The following TNPO3 variants were observed in gnomAD, a reference collection of about 807,000 sequenced individuals.
The protein encoded by TNPO3 is transportin-3.
TNPO3 carries 65 observed loss-of-function variants against 122.8 expected under a neutral mutation model. That is an observed-to-expected ratio of 0.53 (90% CI 0.43 to 0.65). The LOEUF (loss-of-function observed/expected upper bound fraction) is 0.65. Among genes scored for constraint, TNPO3 ranks in the 30% least tolerant of loss-of-function variants. The probability of loss-of-function intolerance (pLI) is 0.00; values close to 1 mark genes in which losing one functional copy is unlikely to be tolerated. For synonymous variants in TNPO3, 372 were observed against 411.2 expected (o/e 0.90, Z 1.15); for missense variants, 850 against 1,136.7 (o/e 0.75, Z 3.63).
intron 16 of TNPO3, among the ~76,000 whole-genome samples, chr7:128,978,469 A>AC (rs1799301129): frequency 6.6e-6 from 1 of 152,202 alleles, no homozygotes; most frequent in Non-Finnish European, 1.5e-5. Context: ...GCTTCACAGA[A>AC]TTTCACAATG....
intron 4 of TNPO3, among the ~76,000 whole-genome samples, chr7:129,014,669 A>T (rs2150424048): frequency 6.6e-6 from 1 of 152,354 alleles, no homozygotes; most frequent in South Asian, 2.1e-4. Context: ...AGTTTGGAGC[A>T]TTAAGCAGTA....
intron 16 of TNPO3, among the ~76,000 whole-genome samples, chr7:128,977,096 T>C (rs1799139308): frequency 6.6e-6 from 1 of 152,016 alleles, no homozygotes; most frequent in Non-Finnish European, 1.5e-5. Context: ...CAAAAATAGG[T>C]GGCAAGGCCA....
intron 4 of TNPO3, among the ~76,000 whole-genome samples, chr7:129,011,351 T>A (rs977240422): frequency 1.3e-5 from 2 of 152,182 alleles, no homozygotes; most frequent in Non-Finnish European, 1.5e-5. Flanking sequence ...TTTTTGTTTT[T>A]TCTTTTTGTT....
intron 4 of TNPO3, among the ~76,000 whole-genome samples, chr7:129,006,703 T>C (rs1170308380): frequency 6.6e-6 from 1 of 152,226 alleles, no homozygotes; most frequent in Non-Finnish European, 1.5e-5. Flanking sequence ...ACAATGCAGA[T>C]ATAAACTACA....
chr7:128,957,100 T>C (rs1796973814), intron 22 of TNPO3, 124 bp downstream of exon 22: 1 of 822,792 alleles, frequency 1.2e-6, no homozygotes, highest in Non-Finnish European at 2.0e-6. Flanking sequence ...GTTAAACTGC[T>C]GAGTCCTTCC....
Position 128,990,008 on chromosome 7 carries a change from A to G in TNPO3, c.1451T>C (p.Leu484Ser), listed in dbSNP as rs1800581430. 1.2e-6 allele frequency: 2 copies of G among 1,614,110 alleles called. No homozygotes were observed. The highest frequency in any genetic ancestry group is 1.3e-5 in the African/African-American group (1 of 74,942). The stretch of plus-strand genomic sequence containing the variant: ...AACGACTTCACTCATCTCTCCAACC[A>G]ATTCAATGCTGGTGTATCGCACAGC... ...HTAVRYTSIE[L>S]VGEMSEVVDR... The change falls in exon 11 of 23, where the codon TTG (leucine) becomes TCG (serine). Residue 484 changes from leucine to serine, a missense_variant. Physicochemically the swap from Leu to Ser is moderately radical, Grantham distance 145. Transcript: ENST00000265388.
intron 1 of TNPO3, among the ~76,000 whole-genome samples, chr7:129,022,483 G>T (rs1391993732): frequency 2.0e-4 from 30 of 151,272 alleles, no homozygotes; most frequent in Admixed American, 2.0e-3. Context: ...AAAAGAAAAG[G>T]TTTCTGAAAT....
chr7:129,027,594 A>AAAAC (rs1805396560), intron 1 of TNPO3, among the ~76,000 whole-genome samples: 1 of 93,542 alleles, frequency 1.1e-5, no homozygotes, highest in Non-Finnish European at 2.4e-5. Flanking sequence ...AAAAAAAACA[A>AAAAC]CACAAAAAAT....
At chr7:129,033,292 A>G (rs985969273) in intron 1 of TNPO3, among the ~76,000 whole-genome samples, 1 of 152,220 alleles carries the variant, frequency 6.6e-6, no homozygotes, top group Non-Finnish European at 1.5e-5. Context: ...ATAAATATTT[A>G]TCCAAAGAAG....
chr7:128,975,026 C>T, intron 17 of TNPO3, 64 bp from the exon 18 acceptor site: 2 of 1,273,494 alleles, frequency 1.6e-6, no homozygotes, highest in South Asian at 2.4e-5. Flanking sequence ...TTCAGACTTG[C>T]CAAATATTTA....
At chr7:128,975,412 C>T (rs892200898) in intron 17 of TNPO3, among the ~76,000 whole-genome samples, 3 of 152,202 alleles carry the variant, frequency 2.0e-5, no homozygotes, top group Non-Finnish European at 4.4e-5. Flanking sequence ...AAAGCAGTAT[C>T]TGAGGAGCTG....
chr7:128,994,914 T>A (rs1000051648), intron 8 of TNPO3, among the ~76,000 whole-genome samples: 4 of 152,170 alleles, frequency 2.6e-5, no homozygotes, highest in African/African-American at 9.7e-5. Context: ...CGCCTTGCCC[T>A]CCCAAAGTTC....
rs561088594 is a variant in TNPO3 at position 128,955,959 on chromosome 7, G to C, written c.*32-574C>G. On this transcript the variant is annotated intron_variant, in intron 22 of 22. Coordinates refer to ENST00000265388, the MANE Select transcript of TNPO3 (RefSeq NM_012470.4). ...CCTCAATTTCCTCATTTGTAAAATG[G>C]GAAAAATAGTAACAAATCCAGAAAA... Among the ~76,000 whole-genome samples, 180 of 152,214 alleles carry C rather than the reference G, an allele frequency of 1.2e-3. 1 individual carries two copies. The highest frequency in any genetic ancestry group is 3.7e-3 in the Admixed American group (56 of 15,288).
rs1052973522 is a variant in TNPO3, at chr7:128,973,592, T to C, written c.2274-1010A>G. Among the ~76,000 whole-genome samples, 8 of 149,972 alleles carry C rather than the reference T, an allele frequency of 5.3e-5. No individual in the cohort carries two copies. The South Asian group carries it at 1.1e-3, about 20-fold the overall frequency. ...TCTACTAAAAATACAAAAAATTAGC[T>C]GGGTGTGGTGGCGGGTGCCTGTAGT... On this transcript the variant is annotated intron_variant, in intron 18 of 22. Transcript: ENST00000265388.
At chr7:128,979,174 C>T (rs749952244) in intron 15 of TNPO3, 51 bp from the exon 16 acceptor site, 32 of 1,604,170 alleles carry the variant, frequency 2.0e-5, no homozygotes, top group African/African-American at 2.7e-5. Context: ...ACAACTAGGA[C>T]CTGAAAAACT....
At position 128,972,457 on chromosome 7, in the gene TNPO3, C is replaced by T. The variant is rs762512976; in HGVS notation, c.2399G>A (p.Arg800Gln). ...DANCSVMRFL[R>Q]DLIHTGVAND... ...GGCTACCCCTGTATGAATGAGGTCT[C>T]GTAGAAACCTCATGACACTACAATT... The change falls in exon 19 of 23, where the codon CGA becomes CAA. Residue 800 changes from arginine (R) to glutamine (Q), a missense_variant. Coordinates refer to ENST00000265388, the MANE Select transcript of TNPO3 (RefSeq NM_012470.4). 3.7e-6 allele frequency: 6 copies of T among 1,613,624 alleles called. No individual in the cohort carries two copies. Among genetic ancestry groups the T allele is most frequent in the Admixed American group, 3.3e-5 (2 of 59,968 alleles).
intron 5 of TNPO3, among the ~76,000 whole-genome samples, chr7:129,004,376 T>C (rs1354876045): frequency 1.3e-5 from 2 of 152,226 alleles, no homozygotes; most frequent in Admixed American, 6.5e-5. Flanking sequence ...GATAATGTTA[T>C]GTTTCTTGTT....
At chr7:128,973,069 C>T in intron 18 of TNPO3, among the ~76,000 whole-genome samples, 1 of 152,092 alleles carries the variant, frequency 6.6e-6, no homozygotes, top group Non-Finnish European at 1.5e-5. Flanking sequence ...CTATTTCCAA[C>T]TAAGATTTTA....
intron 22 of TNPO3, among the ~76,000 whole-genome samples, chr7:128,956,812 TGGAGGGTCAGTTTTA>T (rs1796942905): frequency 6.6e-6 from 1 of 152,252 alleles, no homozygotes; most frequent in African/African-American, 2.4e-5. Flanking sequence ...TCATTACATC[TGGAGGGTCAGTTTTA>T]GGAGACTGGC....
Sources: allele counts gnomAD v4.1 joint callset (sites outside exome capture counted in the v4.1 genomes callset), GRCh38; gene constraint gnomAD v4.1.1; transcripts MANE v1.5; gene names NCBI Gene and HGNC (gene_info 2026-07-23, HGNC 2026-07-21).